SLC38A8: variants seen among roughly 807,000 people sequenced by gnomAD.
SLC38A8 encodes amino acid transporter SLC38A8.
A neutral mutation model predicts 46.0 loss-of-function variants in SLC38A8; 65 were observed. The observed-to-expected ratio is 1.41, with a 90% CI of 1.16 to 1.74. SLC38A8 has a LOEUF of 1.74. Ranked by LOEUF, SLC38A8 falls within the 40% of genes most tolerant of loss-of-function variation. The probability of loss-of-function intolerance (pLI) is 0.00; values close to 1 mark genes in which losing one functional copy is unlikely to be tolerated. For missense variants in SLC38A8, 998 were observed against 567.9 expected, an observed-to-expected ratio of 1.76 and a Z score of -7.70; for synonymous variants, 447 against 243.7, an observed-to-expected ratio of 1.83 and a Z score of -7.77.
In SLC38A8 at chr16:84,009,989, A is replaced by T. The variant is rs543641774; in HGVS notation, c.1215-112T>A. The T allele has an allele frequency of 1.2e-4, 94 of 802,332 alleles. No individual in the cohort carries two copies. In the African/African-American group the frequency reaches 1.5e-3, roughly 13 times the overall value. The allele number at this position is 802,332 out of a possible 1,614,324, so 49.7% of individuals were successfully genotyped here. On this transcript the variant is annotated intron_variant, in intron 10 of 10. Transcript: ENST00000299709. Reference sequence around the variant, plus strand: ...CCCAGTATGGAGTCATCAATTTGGAAAAAAGAAAAATTCAGAATATTTCCA... The same window carrying T: ...CCCAGTATGGAGTCATCAATTTGGATAAAAGAAAAATTCAGAATATTTCCA...
chr16:84,034,667 G>A (rs1313389678), intron 3 of SLC38A8, among the ~76,000 whole-genome samples: 12 of 152,344 alleles, frequency 7.9e-5, no homozygotes, highest in South Asian at 6.2e-4. Context: ...TAGCTCAAGC[G>A]TACGAAATGA....
chr16:84,016,658 G>T lies in SLC38A8; in HGVS notation c.1023C>A (p.Pro341=). Residue 341 remains proline (P), a synonymous_variant, in exon 9 of 11, where the codon CCC becomes CCA. Coordinates refer to ENST00000299709, the MANE Select transcript of SLC38A8 (RefSeq NM_001080442.3). ...GCGGCATCCGGACCCACAGCCCTGA[G>T]GGGTCGGCCAGGGCGCTGGGCCCCC... ...GGWGPSALAD[P]SGLWVRMPLT... 6.2e-7 allele frequency: 1 copy of T among 1,613,750 alleles called. No individual in the cohort carries two copies. The highest frequency in any genetic ancestry group is 8.5e-7 in the Non-Finnish European group (1 of 1,180,022).
chr16:84,033,748 T>G (rs577924891), intron 3 of SLC38A8, among the ~76,000 whole-genome samples: 1 of 152,332 alleles, frequency 6.6e-6, no homozygotes, highest in African/African-American at 2.4e-5. Context: ...ACAAGCCATC[T>G]GCCCTCGTGC....
intron 7 of SLC38A8, among the ~76,000 whole-genome samples, chr16:84,018,601 C>T (rs943272685): frequency 3.1e-4 from 47 of 152,138 alleles, no homozygotes; most frequent in African/African-American, 1.1e-3. Context: ...CATTAAGCCC[C>T]TGCCCCATGC....
chr16:84,042,059 G>C lies in SLC38A8; in HGVS notation c.99C>G (p.Leu33=), dbSNP rs766376941. ...GGCCAGCTCCCAGCGCGGACTTCATGAGGATGAAGACAGCGCCCATCGAGG... is the reference window on the plus strand; with the variant it reads ...GGCCAGCTCCCAGCGCGGACTTCATCAGGATGAAGACAGCGCCCATCGAGG... ...TLSSMGAVFI[L]MKSALGAGLL... is the part of the protein sequence containing the mutation. The change falls in exon 2 of 11, where the codon CTC becomes CTG. Residue 33 remains leucine (L), a synonymous_variant. Transcript: ENST00000299709. 9.3e-6 allele frequency: 15 copies of C among 1,613,948 alleles called. 1 individual carries two copies. In the South Asian group the frequency reaches 1.5e-4, roughly 17 times the overall value.
intron 6 of SLC38A8, among the ~76,000 whole-genome samples, chr16:84,024,897 T>C (rs1212853928): frequency 6.6e-6 from 1 of 152,070 alleles, no homozygotes; most frequent in Non-Finnish European, 1.5e-5. Flanking sequence ...TCCAGGCTGG[T>C]CTCATACTCC....
intron 7 of SLC38A8, 94 bp downstream of exon 7, chr16:84,022,681 G>A (rs577362951): frequency 3.2e-6 from 3 of 943,010 alleles, no homozygotes; most frequent in African/African-American, 1.6e-5. Flanking sequence ...ATTGAGCCCA[G>A]CACGTGGTAA....
At chr16:84,013,202 G>C in intron 9 of SLC38A8, 150 bp from the exon 10 acceptor site, 1 of 775,322 alleles carries the variant, frequency 1.3e-6, no homozygotes, top group Non-Finnish European at 2.1e-6. Context: ...AGGCAACACA[G>C]TGGAGCTGGA....
chr16:84,014,057 C>G (rs2084993003), intron 9 of SLC38A8, among the ~76,000 whole-genome samples: 1 of 151,636 alleles, frequency 6.6e-6, no homozygotes, highest in Non-Finnish European at 1.5e-5. Context: ...TGACCACACT[C>G]TCATCTCTGA....
In SLC38A8 at chr16:84,030,707, C is replaced by A. The variant is rs187493700; in HGVS notation, c.633-1156G>T. On this transcript the variant is annotated intron_variant, in intron 5 of 10. Coordinates refer to ENST00000299709, the MANE Select transcript of SLC38A8 (RefSeq NM_001080442.3). ...TCTCTCTTACTCACCTTCCAACCCACCAGCAGCACTGACCACAGAATTCAC... is the reference window on the plus strand; with the variant it reads ...TCTCTCTTACTCACCTTCCAACCCAACAGCAGCACTGACCACAGAATTCAC... Among the ~76,000 whole-genome samples, 695 of 152,308 alleles carry A rather than the reference C, an allele frequency of 4.6e-3. 6 individuals carry two copies. Among genetic ancestry groups the A allele is most frequent in the African/African-American group, 0.016 (672 of 41,554 alleles).
chr16:84,029,445 C>T (rs767014828), intron 6 of SLC38A8, 49 bp downstream of exon 6: 11 of 1,597,780 alleles, frequency 6.9e-6, no homozygotes, highest in Non-Finnish European at 9.4e-6. Context: ...AGAGAGTCAC[C>T]CACAGCCTCT....
chr16:84,023,056 C>G (rs11861366), intron 6 of SLC38A8, among the ~76,000 whole-genome samples, 167 bp from the exon 7 acceptor site: 2 of 152,006 alleles, frequency 1.3e-5, no homozygotes, highest in African/African-American at 4.8e-5. Context: ...CCCAACCCCT[C>G]TTTCCTTTTC....
intron 6 of SLC38A8, among the ~76,000 whole-genome samples, chr16:84,028,629 T>C (rs2085196369): frequency 6.7e-6 from 1 of 149,648 alleles, no homozygotes; most frequent in Admixed American, 6.7e-5. Flanking sequence ...CTAGGAGGGC[T>C]GCGGGAACCC....
intron 5 of SLC38A8, among the ~76,000 whole-genome samples, chr16:84,030,221 C>A (rs1373765324): frequency 2.0e-5 from 3 of 152,120 alleles, no homozygotes; most frequent in Non-Finnish European, 2.9e-5. Context: ...CCCCCAGAAG[C>A]AGGAAGAGAC....
chr16:84,030,767 T>G (rs1411485420), intron 5 of SLC38A8, among the ~76,000 whole-genome samples: 3 of 152,064 alleles, frequency 2.0e-5, no homozygotes, highest in Non-Finnish European at 4.4e-5. Context: ...CGGGGACCCT[T>G]GTTGGACAAG....
chr16:84,031,893 G>C lies in SLC38A8; in HGVS notation c.606C>G (p.Leu202=), dbSNP rs773328144. The C allele has an allele frequency of 1.2e-6, 2 of 1,614,150 alleles. No homozygotes were observed. The highest frequency in any genetic ancestry group is 2.2e-5 in the South Asian group (2 of 91,086). The change falls in exon 5 of 11, where the codon CTC becomes CTG. Residue 202 remains leucine, a synonymous_variant. Coordinates refer to ENST00000299709, the MANE Select transcript of SLC38A8 (RefSeq NM_001080442.3). ...TCAGTGAAGGATGGGACTCACGCACGAGGCCCTGGGGCCAGAGGTAGTACT... is the reference window on the plus strand; with the variant it reads ...TCAGTGAAGGATGGGACTCACGCACCAGGCCCTGGGGCCAGAGGTAGTACT... ...TVQYYLWPQG[L]VRESHPSLSP...
Position 84,016,696 on chromosome 16 carries a change from A to G in SLC38A8, c.985T>C (p.Cys329Arg), listed in dbSNP as rs560809616. ...SVMQDFWRRS[C>R]LGGWGPSALA... is the part of the protein sequence containing the mutation. ...GCGCTGGGCCCCCATCCCCCCAAGCAGCTCCTCCTCCAGAAGTCCTGCATC... is the reference window on the plus strand; with the variant it reads ...GCGCTGGGCCCCCATCCCCCCAAGCGGCTCCTCCTCCAGAAGTCCTGCATC... Residue 329 changes from cysteine to arginine, a missense_variant, in exon 9 of 11, where the codon TGC (cysteine) becomes CGC (arginine). Physicochemically the swap from Cys to Arg is radical, Grantham distance 180 (BLOSUM62 -3). Transcript: ENST00000299709. The G allele has an allele frequency of 2.5e-6, 4 of 1,613,226 alleles. No homozygotes were observed. In the East Asian group the frequency reaches 6.7e-5, roughly 27 times the overall value.
chr16:84,026,265 C>T (rs2085163554), intron 6 of SLC38A8, among the ~76,000 whole-genome samples: 1 of 152,172 alleles, frequency 6.6e-6, no homozygotes, highest in African/African-American at 2.4e-5. Flanking sequence ...AGTCTCGCTC[C>T]ATCGCCCAGG....
At chr16:84,033,869 G>T (rs939663926) in intron 3 of SLC38A8, among the ~76,000 whole-genome samples, 1 of 152,222 alleles carries the variant, frequency 6.6e-6, no homozygotes, top group Non-Finnish European at 1.5e-5. Context: ...TCAGCAACAG[G>T]CTGCTGTGCA....
Sources: allele counts gnomAD v4.1 joint callset (sites outside exome capture counted in the v4.1 genomes callset), GRCh38; gene constraint gnomAD v4.1.1; transcripts MANE v1.5; gene names NCBI Gene and HGNC (gene_info 2026-07-23, HGNC 2026-07-21).